The following OSBPL1A variants were observed in gnomAD, a reference collection of about 807,000 sequenced individuals.
The protein encoded by OSBPL1A is oxysterol binding protein like 1A, also known as oxysterol-binding protein-related protein 1.
In OSBPL1A, 80 loss-of-function variants were observed where a neutral mutation model predicts 137.1. The ratio of observed to expected loss-of-function variants is 0.58; its 90% confidence interval spans 0.49 to 0.70. The LOEUF is 0.70. OSBPL1A is among the 30% of genes least tolerant of loss of function. The probability of loss-of-function intolerance (pLI) is 0.00; values close to 1 mark genes in which losing one functional copy is unlikely to be tolerated. For missense variants in OSBPL1A, 970 were observed against 1,129.4 expected (o/e 0.86, Z 2.02); for synonymous variants, 365 against 389.7 (o/e 0.94, Z 0.75).
intron 4 of OSBPL1A, among the ~76,000 whole-genome samples, chr18:24,364,401 C>T (rs1009073851): frequency 4.6e-5 from 7 of 152,134 alleles, no homozygotes; most frequent in Admixed American, 3.9e-4. Context: ...TAATGGAGCC[C>T]ACTGCTGCTC....
chr18:24,186,339 GTGA>G (rs942314694), intron 18 of OSBPL1A, among the ~76,000 whole-genome samples: 120 of 152,186 alleles, frequency 7.9e-4, no homozygotes, highest in African/African-American at 2.7e-3. Flanking sequence ...TTCAAAACTT[GTGA>G]TGATTTTTCC....
chr18:24,251,779 G>A (rs1169673211), intron 15 of OSBPL1A, among the ~76,000 whole-genome samples: 1 of 152,138 alleles, frequency 6.6e-6, no homozygotes, highest in Non-Finnish European at 1.5e-5. Flanking sequence ...ACATTTCAGA[G>A]TGAATTCAAA....
At chr18:24,180,764 C>T (rs138181078) in intron 19 of OSBPL1A, among the ~76,000 whole-genome samples, 2,888 of 152,040 alleles carry the variant, frequency 0.019, 91 homozygotes, top group African/African-American at 0.067. Context: ...GTAGTCCCAG[C>T]TACTTGGGAG....
At chr18:24,220,193 C>T (rs1327485186) in intron 17 of OSBPL1A, among the ~76,000 whole-genome samples, 1 of 152,246 alleles carries the variant, frequency 6.6e-6, no homozygotes, top group Non-Finnish European at 1.5e-5. Flanking sequence ...AACAGTCCGC[C>T]TACACCACAG....
intron 15 of OSBPL1A, among the ~76,000 whole-genome samples, chr18:24,265,104 C>T (rs971585667): frequency 6.6e-6 from 1 of 152,180 alleles, no homozygotes; most frequent in African/African-American, 2.4e-5. Context: ...GATTCTGAGA[C>T]TTTGGGATTT....
intron 9 of OSBPL1A, among the ~76,000 whole-genome samples, chr18:24,317,935 T>G (rs1263003004): frequency 6.6e-6 from 1 of 152,174 alleles, no homozygotes; most frequent in African/African-American, 2.4e-5. Context: ...AATATTAATT[T>G]TCTTCTAAGT....
chr18:24,346,637 A>G (rs1599695605), intron 4 of OSBPL1A, among the ~76,000 whole-genome samples: 1 of 152,242 alleles, frequency 6.6e-6, no homozygotes, highest in East Asian at 1.9e-4. Context: ...GGTGTGTATC[A>G]GTACTTCATT....
chr18:24,206,318 T>A (rs921882117), intron 17 of OSBPL1A, among the ~76,000 whole-genome samples: 1 of 152,220 alleles, frequency 6.6e-6, no homozygotes, highest in Non-Finnish European at 1.5e-5. Context: ...GTTAGGAGGC[T>A]GCAGAATGCT....
At chr18:24,354,748 C>CA (rs59694707) in intron 4 of OSBPL1A, among the ~76,000 whole-genome samples, 2,305 of 77,042 alleles carry the variant, frequency 0.03, 39 homozygotes, top group Middle Eastern at 0.038. Flanking sequence ...CTCAATATAG[C>CA]AAAAAAAAAA....
rs114049401 is a variant in OSBPL1A, at chr18:24,379,559, G to A, written c.-2-2024C>T. On this transcript the variant is annotated intron_variant, in intron 1 of 27. Coordinates refer to ENST00000319481, the MANE Select transcript of OSBPL1A (RefSeq NM_080597.4). ...GAATGTTAAGAGAATTGGTCCAGGA[G>A]GTCAAACATTGAAACGAAGTTCTAA... Among the ~76,000 whole-genome samples, 986 of 151,384 alleles carry A rather than the reference G, an allele frequency of 6.5e-3. 9 individuals are homozygous for A. The highest frequency in any genetic ancestry group is 0.022 in the African/African-American group (888 of 41,232).
In OSBPL1A at chr18:24,179,813, G is replaced by A; in HGVS notation, c.1835C>T (p.Ser612Phe). Residue 612 changes from serine (S) to phenylalanine (F), a missense_variant, in exon 20 of 28, where the codon TCT becomes TTT. Physicochemically the swap from Ser to Phe is radical, Grantham distance 155. Around this residue, in one of 2 missense-constraint regions of OSBPL1A, gnomAD observed 323 missense variants for 456.8 expected, o/e 0.71. Transcript: ENST00000319481. ...CCGTTCCCACTGAGAAGCAACAGCA[G>A]ATACAGCAAACGCAGCTACACACTG... ...RMQCVAAFAVSAVASQWERTG... is the reference protein window; with the variant it reads ...RMQCVAAFAVFAVASQWERTG... 6.2e-7 allele frequency: 1 copy of A among 1,614,200 alleles called. No individual in the cohort carries two copies. The highest frequency in any genetic ancestry group is 8.5e-7 in the Non-Finnish European group (1 of 1,180,032).
Position 24,314,243 on chromosome 18 carries a change from G to T in OSBPL1A, c.969+6C>A. 1 of 1,568,962 alleles carries T rather than the reference G, an allele frequency of 6.4e-7. No individual in the cohort carries two copies. The highest frequency in any genetic ancestry group is 8.7e-7 in the Non-Finnish European group (1 of 1,151,132). ...TTAGGAAAGATACATGAATCCATAA[G>T]ATTACCTCTCTTGACTGCTGAAGGC... On this transcript the variant is annotated splice_donor_region_variant and intron_variant, in intron 12 of 27. Transcript: ENST00000319481.
intron 2 of OSBPL1A, among the ~76,000 whole-genome samples, chr18:24,374,180 A>G (rs1161831340): frequency 6.6e-6 from 1 of 152,192 alleles, no homozygotes; most frequent in Admixed American, 6.5e-5. Flanking sequence ...ATCATTCTCC[A>G]TAACAAAGAT....
At chr18:24,231,472 T>C (rs548775594) in intron 16 of OSBPL1A, among the ~76,000 whole-genome samples, 4 of 152,114 alleles carry the variant, frequency 2.6e-5, no homozygotes, top group Non-Finnish European at 5.9e-5. Context: ...TGTATTTTAG[T>C]AGAGATGGGG....
At chr18:24,318,151 T>C (rs2090770132) in intron 9 of OSBPL1A, among the ~76,000 whole-genome samples, 1 of 151,852 alleles carries the variant, frequency 6.6e-6, no homozygotes, top group Non-Finnish European at 1.5e-5. Flanking sequence ...AATCCAGTAG[T>C]ATAAAAGTGG....
intron 5 of OSBPL1A, among the ~76,000 whole-genome samples, chr18:24,334,882 C>T (rs557191421): frequency 6.6e-6 from 1 of 152,254 alleles, no homozygotes; most frequent in South Asian, 2.1e-4. Context: ...CTGCACAGGA[C>T]ATTGTAGATG....
intron 16 of OSBPL1A, among the ~76,000 whole-genome samples, chr18:24,238,863 A>T (rs2088586363): frequency 6.6e-6 from 1 of 152,262 alleles, no homozygotes. Context: ...CTTTGAAGAC[A>T]GAAACTGTCT....
At chr18:24,293,104 C>CAAAAAAAAAAAAAAAAAAAAAAAA (rs1172730345) in intron 14 of OSBPL1A, among the ~76,000 whole-genome samples, 2 of 66,384 alleles carry the variant, frequency 3.0e-5, no homozygotes, top group Non-Finnish European at 2.7e-5. Flanking sequence ...ACTCCCGTCT[C>CAAAAAAAAAAAAAAAAAAAAAAAA]AAAAAAAAAA....
chr18:24,211,471 T>C (rs1195459920), intron 17 of OSBPL1A, among the ~76,000 whole-genome samples: 1 of 152,142 alleles, frequency 6.6e-6, no homozygotes, highest in Non-Finnish European at 1.5e-5. Context: ...AAGTGAATGA[T>C]AGGAAAAAGG....
Sources: allele counts gnomAD v4.1 joint callset (sites outside exome capture counted in the v4.1 genomes callset), GRCh38; gene constraint gnomAD v4.1.1; regional missense constraint gnomAD v4.1.1; transcripts MANE v1.5; gene names NCBI Gene and HGNC (gene_info 2026-07-23, HGNC 2026-07-21).